Variants in SLC5A7 observed in about 807,000 individuals in gnomAD.
The protein encoded by SLC5A7 is high affinity choline transporter 1.
SLC5A7 carries 19 observed loss-of-function variants against 55.4 expected under a neutral mutation model. The observed-to-expected ratio is 0.34, with a 90% CI of 0.24 to 0.50. The LOEUF (loss-of-function observed/expected upper bound fraction) is 0.50. Ranked by LOEUF, SLC5A7 falls within the 20% of genes least tolerant of loss-of-function variation. The pLI, the probability that SLC5A7 is intolerant of heterozygous loss-of-function variation, is 0.98. For synonymous variants in SLC5A7, 265 were observed against 263.7 expected, an observed-to-expected ratio of 1.00 and a Z score of -0.05; for missense variants, 506 against 705.3, an observed-to-expected ratio of 0.72 and a Z score of 3.20.
intron 6 of SLC5A7, among the ~76,000 whole-genome samples, chr2:108,003,915 T>C (rs1678010974): frequency 6.6e-6 from 1 of 152,202 alleles, no homozygotes; most frequent in Non-Finnish European, 1.5e-5. Context: ...GTTCTAAAGA[T>C]GGCAGTATTC....
In SLC5A7 at chr2:108,011,198, GA is replaced by G. The variant is rs751424142; in HGVS notation, c.*342del. On this transcript the variant is annotated 3_prime_UTR_variant, in exon 9 of 9. Transcript: ENST00000264047. ...AGGAAGTAGATGTGAAAAAGCCTAAGAAAAAGGAAATTGGACAGTTTTGATA... is the reference window on the plus strand; with the variant it reads ...AGGAAGTAGATGTGAAAAAGCCTAAGAAAAGGAAATTGGACAGTTTTGATA... 1 of 179,318 alleles carries G rather than the reference GA, an allele frequency of 5.6e-6. No homozygotes were observed. Among genetic ancestry groups the G allele is most frequent in the African/African-American group, 2.4e-5 (1 of 42,528 alleles). The allele number at this position is 179,318 out of a possible 1,614,324, so 11.1% of individuals were successfully genotyped here.
At chr2:108,007,670 T>A (rs1489339924) in intron 7 of SLC5A7, among the ~76,000 whole-genome samples, 1 of 152,104 alleles carries the variant, frequency 6.6e-6, no homozygotes, top group African/African-American at 2.4e-5. Context: ...ACAATTGTAA[T>A]AGAAAATGAG....
At chr2:107,990,540 A>C (rs1469970556) in intron 2 of SLC5A7, among the ~76,000 whole-genome samples, 1 of 152,164 alleles carries the variant, frequency 6.6e-6, no homozygotes, top group East Asian at 1.9e-4. Flanking sequence ...TAAAAATTTC[A>C]GCAGGGCTTA....
chr2:107,988,472 T>C, intron 2 of SLC5A7, 139 bp downstream of exon 2: 1 of 597,998 alleles, frequency 1.7e-6, no homozygotes, highest in Non-Finnish European at 2.5e-6. Context: ...GTTATATATA[T>C]TTTAAAATAA....
intron 5 of SLC5A7, among the ~76,000 whole-genome samples, chr2:107,998,704 G>T (rs1157919553): frequency 5.3e-5 from 8 of 152,130 alleles, no homozygotes; most frequent in Non-Finnish European, 1.0e-4. Context: ...GGTCATCATA[G>T]GTTCATGTAC....
chr2:108,010,215 G>C lies in SLC5A7; in HGVS notation c.1114-17G>C. ...AGACACTGTGCAAAAAGCTGACACT[G>C]TGGCAATTTCTTACAGGCTTCGGAC... On this transcript the variant is annotated splice_polypyrimidine_tract_variant and intron_variant, in intron 8 of 8. Coordinates refer to ENST00000264047, the MANE Select transcript of SLC5A7 (RefSeq NM_021815.5). The C allele has an allele frequency of 6.2e-7, 1 of 1,605,902 alleles. No homozygotes were observed. The highest frequency in any genetic ancestry group is 8.5e-7 in the Non-Finnish European group (1 of 1,175,278).
chr2:108,001,803 A>C (rs1325686286), intron 5 of SLC5A7, 94 bp from the exon 6 acceptor site: 8 of 1,334,132 alleles, frequency 6.0e-6, no homozygotes, highest in Non-Finnish European at 8.3e-6. Flanking sequence ...TAGAGGAACT[A>C]CTGAGCTGTG....
rs1158194261 is a variant in SLC5A7 at position 107,988,152 on chromosome 2, A to T, written c.-4A>T. ...TGCAGAAGAATCTGGATCATTAGAT[A>T]AAAATGGCTTTCCATGTGGAAGGAC... On this transcript the variant is annotated 5_prime_UTR_variant, in exon 2 of 9. Transcript: ENST00000264047. The T allele has an allele frequency of 1.9e-6, 3 of 1,611,210 alleles. No homozygotes were observed. The highest frequency in any genetic ancestry group is 2.2e-5 in the East Asian group (1 of 44,834).
intron 6 of SLC5A7, among the ~76,000 whole-genome samples, chr2:108,005,709 G>T (rs1253746519): frequency 6.6e-6 from 1 of 152,082 alleles, no homozygotes; most frequent in Non-Finnish European, 1.5e-5. Context: ...CTCATAGAAG[G>T]CACCTTCTTG....
intron 5 of SLC5A7, among the ~76,000 whole-genome samples, chr2:107,999,874 C>T (rs559898402): frequency 3.3e-5 from 5 of 152,290 alleles, no homozygotes; most frequent in African/African-American, 7.2e-5. Context: ...TTACTTCAGC[C>T]TTCATCTAGG....
intron 5 of SLC5A7, among the ~76,000 whole-genome samples, chr2:107,998,828 C>G (rs1394142036): frequency 6.6e-6 from 1 of 152,114 alleles, no homozygotes; most frequent in African/African-American, 2.4e-5. Context: ...TTCATTTTCC[C>G]AAGGATGGTT....
intron 6 of SLC5A7, among the ~76,000 whole-genome samples, chr2:108,002,957 A>G (rs182124103): frequency 6.6e-6 from 1 of 152,334 alleles, no homozygotes; most frequent in East Asian, 1.9e-4. Context: ...GCAATATTGT[A>G]TGACTTTGTG....
intron 7 of SLC5A7, 77 bp from the exon 8 acceptor site, chr2:108,008,388 T>A: frequency 9.0e-7 from 1 of 1,114,826 alleles, no homozygotes; most frequent in Non-Finnish European, 1.3e-6. Flanking sequence ...AACAACCTAG[T>A]AAATAGGATG....
chr2:107,992,261 A>C, intron 3 of SLC5A7, 42 bp downstream of exon 3: 1 of 1,182,234 alleles, frequency 8.5e-7, no homozygotes, highest in Non-Finnish European at 1.3e-6. Flanking sequence ...TCAGTAAAGT[A>C]TACAGAACAA....
At chr2:107,987,443 A>G (rs1488757235) in intron 1 of SLC5A7, among the ~76,000 whole-genome samples, 2 of 152,196 alleles carry the variant, frequency 1.3e-5, no homozygotes, top group Non-Finnish European at 2.9e-5. Flanking sequence ...GGCGAAGAAG[A>G]TCAAGAGAAT....
At chr2:108,001,361 T>C (rs1294046295) in intron 5 of SLC5A7, among the ~76,000 whole-genome samples, 1 of 152,082 alleles carries the variant, frequency 6.6e-6, no homozygotes, top group Non-Finnish European at 1.5e-5. Flanking sequence ...TTGTATGACA[T>C]GGTATAATCA....
At chr2:107,995,831 C>T (rs1366410959) in intron 4 of SLC5A7, among the ~76,000 whole-genome samples, 1 of 152,020 alleles carries the variant, frequency 6.6e-6, no homozygotes, top group East Asian at 1.9e-4. Flanking sequence ...TCTAACAGCT[C>T]AAGTTCAGTG....
Position 107,995,850 on chromosome 2 carries a change from T to A in SLC5A7, c.449-1988T>A, listed in dbSNP as rs144137428. Reference sequence around the variant, plus strand: ...ACAGCTCAAGTTCAGTGGATTTTCATAACTTTGCAGGATACTTATTTTATA... The same window carrying A: ...ACAGCTCAAGTTCAGTGGATTTTCAAAACTTTGCAGGATACTTATTTTATA... On this transcript the variant is annotated intron_variant, in intron 4 of 8. Transcript: ENST00000264047. 7.9e-5 allele frequency among the ~76,000 whole-genome samples: 12 copies of A among 152,318 alleles called. No individual in the cohort carries two copies. The East Asian group carries it at 2.3e-3, about 29-fold the overall frequency.
chr2:108,001,190 G>C (rs890115745), intron 5 of SLC5A7, among the ~76,000 whole-genome samples: 1 of 150,904 alleles, frequency 6.6e-6, no homozygotes, highest in Non-Finnish European at 1.5e-5. Context: ...TATCTCAATA[G>C]CTACGTATCT....
Sources: gnomAD v4.1 joint callset for allele counts (sites outside exome capture counted in the v4.1 genomes callset) on GRCh38, gnomAD v4.1.1 for gene constraint, MANE v1.5 for transcripts, NCBI Gene and HGNC (gene_info 2026-07-23, HGNC 2026-07-21) for gene names.